Variants in UNC13C observed in about 807,000 individuals in gnomAD.
The protein encoded by UNC13C is unc-13 homolog C, also known as protein unc-13 homolog C.
Under a neutral mutation model 245.4 loss-of-function variants are expected in UNC13C, and 174 were observed. That is an observed-to-expected ratio of 0.71 (90% CI 0.63 to 0.80). The LOEUF (loss-of-function observed/expected upper bound fraction) is 0.80. Among genes scored for constraint, UNC13C ranks in the 30% least tolerant of loss-of-function variants. The pLI is 0.00. For synonymous variants in UNC13C, 992 were observed against 895.1 expected (o/e 1.11, Z -1.93); for missense variants, 2,829 against 2,602.9 (o/e 1.09, Z -1.89).
At chr15:53,975,730 G>A (rs1464472058), upstream of UNC13C, among the ~76,000 whole-genome samples, 1 of 152,196 alleles carries the variant, frequency 6.6e-6, no homozygotes, top group Non-Finnish European at 1.5e-5. Flanking sequence ...AACCATAAAT[G>A]AGACAAATGA....
chr15:54,462,684 C>G (rs1477145630), intron 19 of UNC13C, among the ~76,000 whole-genome samples: 2 of 152,240 alleles, frequency 1.3e-5, no homozygotes, highest in Non-Finnish European at 2.9e-5. Context: ...CCTCAGCCAC[C>G]TCCCCAGGGG....
intron 2 of UNC13C, among the ~76,000 whole-genome samples, chr15:54,077,371 CTTTTCTTT>C (rs1217374123): frequency 1.4e-5 from 1 of 71,732 alleles, no homozygotes; most frequent in Non-Finnish European, 2.7e-5. Context: ...CTTTTCTTTT[CTTTTCTTT>C]TTTTTTTTTT....
At chr15:54,150,344 C>T (rs903937653) in intron 4 of UNC13C, among the ~76,000 whole-genome samples, 62 of 152,166 alleles carry the variant, frequency 4.1e-4, no homozygotes, top group Admixed American at 3.9e-3. Context: ...TACAGCTGCT[C>T]GAAAGGAGCC....
intron 4 of UNC13C, among the ~76,000 whole-genome samples, chr15:54,173,667 C>G (rs924468396): frequency 2.0e-5 from 3 of 152,042 alleles, no homozygotes; most frequent in African/African-American, 7.2e-5. Context: ...AATACAGTTT[C>G]ATTACTTCCT....
intron 30 of UNC13C, among the ~76,000 whole-genome samples, chr15:54,603,967 T>C (rs957134263): frequency 2.0e-5 from 3 of 152,178 alleles, no homozygotes; most frequent in African/African-American, 7.2e-5. Context: ...CACTCTTTGT[T>C]ACCAATATCT....
At chr15:54,292,577 C>G (rs2037325531) in intron 10 of UNC13C, among the ~76,000 whole-genome samples, 1 of 151,894 alleles carries the variant, frequency 6.6e-6, no homozygotes, top group Non-Finnish European at 1.5e-5. Context: ...CAGGAATTCT[C>G]AAATACTTTT....
intron 1 of UNC13C, among the ~76,000 whole-genome samples, chr15:53,998,931 C>T (rs984765183): frequency 6.6e-6 from 1 of 151,860 alleles, no homozygotes; most frequent in Non-Finnish European, 1.5e-5. Context: ...TTAAATCAGC[C>T]TTACATTCCT....
chr15:53,864,654 AG>A, the UNC13C span, among the ~76,000 whole-genome samples: 2 of 152,176 alleles, frequency 1.3e-5, no homozygotes, highest in African/African-American at 4.8e-5. Flanking sequence ...TCATCAGAAG[AG>A]GATTGAACTG....
the UNC13C span, among the ~76,000 whole-genome samples, chr15:53,955,301 A>G: frequency 6.8e-6 from 1 of 147,568 alleles, no homozygotes; most frequent in Non-Finnish European, 1.5e-5. Context: ...ACACACACAC[A>G]TAAAACTAGG....
rs1566904424 is a variant in UNC13C at position 54,552,440 on chromosome 15, TTACAATATATAATATAATTA to T, written c.5877+2752_5877+2771del. Among the ~76,000 whole-genome samples the T allele has an allele frequency of 7.8e-3, 37 of 4,718 alleles. 3 individuals carry two copies. In the South Asian group the frequency reaches 0.15, roughly 19 times the overall value. The allele number at this position is 4,718 out of a possible 152,430, so 3.1% of individuals were successfully genotyped here. ...TTACAATATATAATATAATTATATA[TTACAATATATAATATAATTA>T]TATATTACAATATATAATATAATTA... On this transcript the variant is annotated intron_variant, in intron 28 of 32. Transcript: ENST00000260323.
intron 26 of UNC13C, among the ~76,000 whole-genome samples, chr15:54,539,714 T>A (rs568198216): frequency 7.8e-4 from 119 of 152,154 alleles, no homozygotes; most frequent in African/African-American, 2.8e-3. Context: ...CTATGTCCTG[T>A]GGCCAAGGTT....
At chr15:54,001,251 T>C (rs1894872340) in intron 1 of UNC13C, among the ~76,000 whole-genome samples, 3 of 152,190 alleles carry the variant, frequency 2.0e-5, no homozygotes, top group African/African-American at 2.4e-5. Context: ...TATTGCCTCA[T>C]GTTAGATCCT....
chr15:54,626,481 T>C (rs991078227), intron 32 of UNC13C, among the ~76,000 whole-genome samples: 7 of 152,066 alleles, frequency 4.6e-5, no homozygotes, highest in Non-Finnish European at 8.8e-5. Flanking sequence ...GTAACTGATA[T>C]TGAAATGGCA....
chr15:53,993,324 C>T (rs1894473404), intron 1 of UNC13C, among the ~76,000 whole-genome samples: 1 of 152,030 alleles, frequency 6.6e-6, no homozygotes, highest in South Asian at 2.1e-4. Flanking sequence ...ATTGAACTCC[C>T]ACATCCATTA....
intron 2 of UNC13C, among the ~76,000 whole-genome samples, chr15:54,108,522 A>G (rs1900578210): frequency 1.3e-5 from 2 of 152,066 alleles, no homozygotes; most frequent in African/African-American, 2.4e-5. Flanking sequence ...TCTCAATAAA[A>G]CGTGTAGGCC....
At chr15:53,996,516 A>C (rs1045336719) in intron 1 of UNC13C, among the ~76,000 whole-genome samples, 35 of 152,320 alleles carry the variant, frequency 2.3e-4, no homozygotes, top group Middle Eastern at 6.8e-3. Flanking sequence ...TGAAGTGCAT[A>C]TATTTTAAGC....
intron 17 of UNC13C, among the ~76,000 whole-genome samples, chr15:54,342,697 T>C (rs2038763349): frequency 1.3e-5 from 2 of 152,240 alleles, no homozygotes; most frequent in Admixed American, 1.3e-4. Flanking sequence ...AAAGCAATGT[T>C]AGATGAAGGC....
chr15:54,085,640 G>GA (rs1393547707), intron 2 of UNC13C, among the ~76,000 whole-genome samples: 9 of 151,644 alleles, frequency 5.9e-5, no homozygotes, highest in Non-Finnish European at 8.8e-5. Flanking sequence ...TAGAGATAGG[G>GA]TCTCCTTTGT....
rs1423934236 is a variant in UNC13C at position 54,014,302 on chromosome 15, G to A, written c.1399G>A (p.Val467Met). 17 of 1,613,784 alleles carry A rather than the reference G, an allele frequency of 1.1e-5. No homozygotes were observed. The highest frequency in any genetic ancestry group is 1.4e-5 in the Non-Finnish European group (17 of 1,179,856). The stretch of plus-strand genomic sequence containing the variant: ...TGACCTCAATAGAAACAGTTACGCT[G>A]TGCTTTCCAAGTCAGAGCTTCTAAC... ...ESDLNRNSYA[V>M]LSKSELLTKG... The change falls in exon 2 of 33, where the codon GTG becomes ATG. Residue 467 changes from valine to methionine, a missense_variant. Val to Met is a conservative substitution (Grantham distance 21). Coordinates refer to ENST00000260323, the MANE Select transcript of UNC13C (RefSeq NM_001080534.3).
Sources: gnomAD v4.1 joint callset for allele counts (sites outside exome capture counted in the v4.1 genomes callset) on GRCh38, gnomAD v4.1.1 for gene constraint, MANE v1.5 for transcripts, NCBI Gene and HGNC (gene_info 2026-07-23, HGNC 2026-07-21) for gene names.